BBS9: variants seen among roughly 807,000 people sequenced by gnomAD.
BBS9 encodes Bardet-Biedl syndrome 9, also known as protein PTHB1.
Under a neutral mutation model 117.7 loss-of-function variants are expected in BBS9, and 89 were observed. The ratio of observed to expected loss-of-function variants is 0.76; its 90% CI spans 0.64 to 0.90. The LOEUF is 0.90. BBS9 is among the 40% of genes least tolerant of loss of function. BBS9 has a pLI of 0.00. For synonymous variants in BBS9, 379 were observed against 370.9 expected, an observed-to-expected ratio of 1.02 and a Z score of -0.25; for missense variants, 982 against 1,042.2, an observed-to-expected ratio of 0.94 and a Z score of 0.80.
At chr7:33,397,042 T>C (rs1417415948) in intron 19 of BBS9, among the ~76,000 whole-genome samples, 1 of 152,006 alleles carries the variant, frequency 6.6e-6, no homozygotes, top group Non-Finnish European at 1.5e-5. Context: ...ACAGACAACC[T>C]ACAGAATGGG....
At chr7:33,398,513 A>T (rs920886425) in intron 19 of BBS9, among the ~76,000 whole-genome samples, 4 of 152,182 alleles carry the variant, frequency 2.6e-5, no homozygotes, top group African/African-American at 9.6e-5. Flanking sequence ...AAAATTTTGT[A>T]AATTTTTCTT....
At chr7:33,243,259 T>A (rs1278840876) in intron 5 of BBS9, among the ~76,000 whole-genome samples, 2 of 152,206 alleles carry the variant, frequency 1.3e-5, no homozygotes, top group Non-Finnish European at 2.9e-5. Context: ...TGGAGCTCAG[T>A]TAACTTTTAG....
chr7:33,425,393 G>A (rs1035584376), intron 19 of BBS9, among the ~76,000 whole-genome samples: 1 of 152,038 alleles, frequency 6.6e-6, no homozygotes, highest in Non-Finnish European at 1.5e-5. Flanking sequence ...GGATGTGCAC[G>A]TTTGTTACAT....
intron 5 of BBS9, among the ~76,000 whole-genome samples, chr7:33,246,657 T>TC (rs1285039883): frequency 1.3e-5 from 2 of 152,192 alleles, no homozygotes; most frequent in Non-Finnish European, 2.9e-5. Context: ...ATAATTTTTC[T>TC]TTTGGATACA....
intron 9 of BBS9, among the ~76,000 whole-genome samples, chr7:33,282,878 G>T (rs1802173219): frequency 6.6e-6 from 1 of 152,130 alleles, no homozygotes; most frequent in Non-Finnish European, 1.5e-5. Flanking sequence ...TTTTGGTAGT[G>T]TCTATTGACT....
rs372426663 is a variant in BBS9, at chr7:33,352,817, T to A, written c.1538-42T>A. 7 of 1,605,842 alleles carry A rather than the reference T, an allele frequency of 4.4e-6. No individual in the cohort carries two copies. The African/African-American group carries it at 6.7e-5, about 15-fold the overall frequency. ...CTTTACCACAGATAATTTGTTGCCT[T>A]CTTTTCCCCCTACCCATTTTTGCAT... On this transcript the variant is annotated intron_variant, in intron 14 of 22. Coordinates refer to ENST00000242067, the MANE Select transcript of BBS9 (RefSeq NM_198428.3).
At chr7:33,335,025 A>G (rs1031308744) in intron 9 of BBS9, among the ~76,000 whole-genome samples, 4 of 152,218 alleles carry the variant, frequency 2.6e-5, no homozygotes, top group Non-Finnish European at 4.4e-5. Flanking sequence ...GAACTGAGCA[A>G]TGGTAGTATC....
intron 4 of BBS9, among the ~76,000 whole-genome samples, chr7:33,156,546 C>G (rs1371596679): frequency 2.0e-5 from 3 of 152,150 alleles, no homozygotes; most frequent in African/African-American, 7.2e-5. Context: ...AGTAATGATG[C>G]ATATTTACTG....
At chr7:33,134,792 C>T (rs141127822) in intron 1 of BBS9, among the ~76,000 whole-genome samples, 47 of 152,200 alleles carry the variant, frequency 3.1e-4, no homozygotes, top group African/African-American at 1.1e-3. Flanking sequence ...GATGCGGTCT[C>T]GCTTTGTTGC....
chr7:33,354,599 C>A (rs940938297), intron 15 of BBS9, among the ~76,000 whole-genome samples: 2 of 152,000 alleles, frequency 1.3e-5, no homozygotes, highest in African/African-American at 4.8e-5. Context: ...GTTCTAAAGG[C>A]ATTATATAGA....
At chr7:33,328,816 A>G (rs1291495813) in intron 9 of BBS9, among the ~76,000 whole-genome samples, 1 of 152,140 alleles carries the variant, frequency 6.6e-6, no homozygotes, top group African/African-American at 2.4e-5. Flanking sequence ...CTATTGAGCT[A>G]TATTTCAAAT....
intron 19 of BBS9, among the ~76,000 whole-genome samples, chr7:33,466,984 A>T (rs1413062317): frequency 6.7e-6 from 1 of 149,186 alleles, no homozygotes; most frequent in Non-Finnish European, 1.5e-5. Context: ...ATACACATTC[A>T]TTCATATTCA....
At chr7:33,404,984 T>A (rs1034665718) in intron 19 of BBS9, among the ~76,000 whole-genome samples, 5 of 152,186 alleles carry the variant, frequency 3.3e-5, no homozygotes, top group African/African-American at 4.8e-5. Flanking sequence ...TGTGGGTTTG[T>A]CATAGATAGC....
At chr7:33,567,762 T>C (rs1260803325) in intron 21 of BBS9, among the ~76,000 whole-genome samples, 5 of 152,214 alleles carry the variant, frequency 3.3e-5, no homozygotes, top group African/African-American at 1.2e-4. Flanking sequence ...AATCTCAATA[T>C]TTTCAGAAAC....
chr7:33,554,075 G>A (rs1320435898), intron 21 of BBS9, among the ~76,000 whole-genome samples: 1 of 152,054 alleles, frequency 6.6e-6, no homozygotes, highest in African/African-American at 2.4e-5. Flanking sequence ...TTAAAGGCCG[G>A]GAGGGGAGAA....
At chr7:33,518,673 A>G (rs1291340382) in intron 20 of BBS9, among the ~76,000 whole-genome samples, 1 of 152,230 alleles carries the variant, frequency 6.6e-6, no homozygotes, top group Non-Finnish European at 1.5e-5. Context: ...GGCTCTAAAT[A>G]AATATTTTTA....
intron 18 of BBS9, 21 bp from the exon 19 acceptor site, chr7:33,387,971 T>A: frequency 6.2e-7 from 1 of 1,612,180 alleles, no homozygotes; most frequent in East Asian, 2.2e-5. Flanking sequence ...TAATCTCAAT[T>A]TAAGAAATTA....
chr7:33,328,665 C>T (rs989550269), intron 9 of BBS9, among the ~76,000 whole-genome samples: 1 of 152,166 alleles, frequency 6.6e-6, no homozygotes, highest in African/African-American at 2.4e-5. Flanking sequence ...AATGTGATAA[C>T]CTACAATGTT....
At chr7:33,488,812 A>C (rs2128990002) in intron 19 of BBS9, among the ~76,000 whole-genome samples, 1 of 152,194 alleles carries the variant, frequency 6.6e-6, no homozygotes, top group East Asian at 1.9e-4. Flanking sequence ...ATCTCCTCTC[A>C]GTCTCTTCCA....
Sources: gnomAD v4.1 joint callset for allele counts (sites outside exome capture counted in the v4.1 genomes callset) on GRCh38, gnomAD v4.1.1 for gene constraint, MANE v1.5 for transcripts, NCBI Gene and HGNC (gene_info 2026-07-23, HGNC 2026-07-21) for gene names.